VANGL1: variants seen among roughly 807,000 people sequenced by gnomAD.
The protein encoded by VANGL1 is VANGL planar cell polarity protein 1, also known as vang-like protein 1.
A neutral mutation model predicts 48.4 loss-of-function variants in VANGL1; 18 were observed. The observed-to-expected ratio is 0.37, with a 90% CI of 0.26 to 0.55. VANGL1 has a LOEUF of 0.55. Ranked by LOEUF, VANGL1 falls within the 20% of genes least tolerant of loss-of-function variation. VANGL1 has a pLI of 0.81. For missense variants in VANGL1, 667 were observed against 675.8 expected (o/e 0.99, Z 0.14); for synonymous variants, 257 against 261.8 (o/e 0.98, Z 0.18).
Position 115,694,468 on chromosome 1 carries a change from GCTCACCCCTGCC to G in VANGL1, c.*3093_*3104del, listed in dbSNP as rs1189105965. ...GGTGTGTGTTGGATAGGGATAAAGT[GCTCACCCCTGCC>G]CTCTCTACAGTAGTTGGTGGTAGAT... is the stretch of plus-strand genomic sequence containing the variant. On this transcript the variant is annotated 3_prime_UTR_variant, in exon 8 of 8. Transcript: ENST00000355485. 1 of 152,138 alleles carries G rather than the reference GCTCACCCCTGCC, an allele frequency of 6.6e-6. No homozygotes were observed. Among genetic ancestry groups the G allele is most frequent in the Non-Finnish European group, 1.5e-5 (1 of 68,034 alleles). 9.4% of individuals were successfully genotyped at this position (152,138 alleles called of 1,614,324 possible). A position where few individuals can be genotyped will look rare whatever the true frequency, so the allele number is the denominator to read the frequency against.
At chr1:115,691,021 A>G in intron 7 of VANGL1, 98 bp from the exon 8 acceptor site, 5 of 1,568,488 alleles carry the variant, frequency 3.2e-6, no homozygotes, top group Non-Finnish European at 4.3e-6. Flanking sequence ...TTTATTTGGA[A>G]AAAGTTCTTT....
chr1:115,683,254 A>G (rs1403587638), intron 5 of VANGL1, among the ~76,000 whole-genome samples: 1 of 152,230 alleles, frequency 6.6e-6, no homozygotes, highest in East Asian at 1.9e-4. Flanking sequence ...AAAGATTCCC[A>G]CTAGTGAAAC....
intron 4 of VANGL1, among the ~76,000 whole-genome samples, chr1:115,676,740 G>T (rs1280836809): frequency 6.6e-6 from 1 of 152,210 alleles, no homozygotes; most frequent in Admixed American, 6.5e-5. Flanking sequence ...CTGCCTTAGG[G>T]CGATGCCGAC....
rs774928872 is a variant in VANGL1 at position 115,684,070 on chromosome 1, A to C, written c.1073A>C (p.Lys358Thr). The change falls in exon 6 of 8, where the codon AAA becomes ACA. Residue 358 changes from lysine to threonine, a missense_variant. Lys to Thr is a moderately conservative substitution (Grantham distance 78). Coordinates refer to ENST00000355485, the MANE Select transcript of VANGL1 (RefSeq NM_138959.3). ...CATGAACGGCGAGTAAAGAAGCGGA[A>C]AGCAAGGTATACTGCCCTCCTGATG... The part of the protein sequence containing the change: ...AEHERRVKKR[K>T]ARLVVAVEEA... The C allele has an allele frequency of 6.2e-7, 1 of 1,613,618 alleles. No individual in the cohort carries two copies. Among genetic ancestry groups the C allele is most frequent in the East Asian group, 2.2e-5 (1 of 44,856 alleles).
chr1:115,685,676 A>T lies in VANGL1; in HGVS notation c.1314+149A>T. ...AGAATTAGTGATTCTCACTTATTTT[A>T]TGTTATGTTAGTACAATTGTTTTTT... On this transcript the variant is annotated intron_variant, in intron 7 of 7. Transcript: ENST00000355485. 9 of 901,408 alleles carry T rather than the reference A, an allele frequency of 1.0e-5. No individual in the cohort carries two copies. In the South Asian group the frequency reaches 1.3e-4, roughly 13 times the overall value. The allele number at this position is 901,408 out of a possible 1,614,324, so 55.8% of individuals were successfully genotyped here.
intron 4 of VANGL1, among the ~76,000 whole-genome samples, chr1:115,665,754 C>T (rs1042340906): frequency 7.2e-5 from 11 of 152,228 alleles, no homozygotes; most frequent in African/African-American, 2.7e-4. Flanking sequence ...ACAAGTAGGT[C>T]ACCGCTTTGC....
In VANGL1 at chr1:115,692,161, G is replaced by T. The variant is rs1653865025; in HGVS notation, c.*782G>T. 6.5e-6 allele frequency: 1 copy of T among 152,716 alleles called. No homozygotes were observed. Among genetic ancestry groups the T allele is most frequent in the Non-Finnish European group, 1.5e-5 (1 of 68,306 alleles). The allele number at this position is 152,716 out of a possible 1,614,324, so 9.5% of individuals were successfully genotyped here. The stretch of plus-strand genomic sequence containing the variant: ...CGGCTCTGTGTGAAGCCTCAAGTCA[G>T]TCCCAGCATTGTTTCCATAGGGAAG... On this transcript the variant is annotated 3_prime_UTR_variant, in exon 8 of 8. Coordinates refer to ENST00000355485, the MANE Select transcript of VANGL1 (RefSeq NM_138959.3).
rs527547472 is a variant in VANGL1, at chr1:115,696,504, G to A, written c.*5125G>A. On this transcript the variant is annotated 3_prime_UTR_variant, in exon 8 of 8. Coordinates refer to ENST00000355485, the MANE Select transcript of VANGL1 (RefSeq NM_138959.3). ...TGCATAAACCATAGTTTTCTGCCCT[G>A]CTGTTTGCTTTCAATGGAAGACAGT... 2.6e-5 allele frequency: 4 copies of A among 152,268 alleles called. No individual in the cohort carries two copies. Among genetic ancestry groups the A allele is most frequent in the African/African-American group, 4.8e-5 (2 of 41,554 alleles). The allele number at this position is 152,268 out of a possible 1,614,324, so 9.4% of individuals were successfully genotyped here.
chr1:115,682,255 T>G, intron 4 of VANGL1, 109 bp from the exon 5 acceptor site: 1 of 1,447,558 alleles, frequency 6.9e-7, no homozygotes, highest in Non-Finnish European at 9.4e-7. Flanking sequence ...CTGTATGAGA[T>G]TATCTTTGAT....
chr1:115,686,341 C>T (rs1320986116), intron 7 of VANGL1, among the ~76,000 whole-genome samples: 3 of 138,290 alleles, frequency 2.2e-5, no homozygotes, highest in African/African-American at 8.2e-5. Flanking sequence ...CACTGCACTC[C>T]AGCCTGGGCG....
Position 115,693,742 on chromosome 1 carries a change from A to G in VANGL1, c.*2363A>G, listed in dbSNP as rs1327365663. ...AGCTTGAGTTACTTTTGCAGTGGGAACAATGTAAATGACATTTAAAAGATT... is the reference window on the plus strand; with the variant it reads ...AGCTTGAGTTACTTTTGCAGTGGGAGCAATGTAAATGACATTTAAAAGATT... On this transcript the variant is annotated 3_prime_UTR_variant, in exon 8 of 8. Transcript: ENST00000355485. 2 of 152,216 alleles carry G rather than the reference A, an allele frequency of 1.3e-5. No homozygotes were observed. Among genetic ancestry groups the G allele is most frequent in the Non-Finnish European group, 1.5e-5 (1 of 68,040 alleles). 9.4% of individuals were successfully genotyped at this position (152,216 alleles called of 1,614,324 possible).
At position 115,693,870 on chromosome 1, in the gene VANGL1, C is replaced by T. The variant is rs1653938684; in HGVS notation, c.*2491C>T. On this transcript the variant is annotated 3_prime_UTR_variant, in exon 8 of 8. Coordinates refer to ENST00000355485, the MANE Select transcript of VANGL1 (RefSeq NM_138959.3). The stretch of plus-strand genomic sequence containing the variant: ...TTTTTAAAAGGGGGTAAACTTCGCC[C>T]TAAGGCTGGTAGAATGTATGTTCAC... The T allele has an allele frequency of 6.6e-6, 1 of 152,150 alleles. No homozygotes were observed. The highest frequency in any genetic ancestry group is 1.5e-5 in the Non-Finnish European group (1 of 68,024). The allele number at this position is 152,150 out of a possible 1,614,324, so 9.4% of individuals were successfully genotyped here. A position where few individuals can be genotyped will look rare whatever the true frequency, so the allele number is the denominator to read the frequency against.
At position 115,691,644 on chromosome 1, in the gene VANGL1, T is replaced by G; in HGVS notation, c.*265T>G. On this transcript the variant is annotated 3_prime_UTR_variant, in exon 8 of 8. Coordinates refer to ENST00000355485, the MANE Select transcript of VANGL1 (RefSeq NM_138959.3). ...TTCCTTGGAGCTTCTGTTACAGCTG[T>G]AAACCAAAGTGGAGCTGGTGCTTCT... The G allele has an allele frequency of 2.6e-6, 1 of 386,574 alleles. No homozygotes were observed. Among genetic ancestry groups the G allele is most frequent in the Non-Finnish European group, 4.6e-6 (1 of 218,208 alleles). 23.9% of individuals were successfully genotyped at this position (386,574 alleles called of 1,614,324 possible).
At chr1:115,687,705 C>CTGTGTGTGTGTGTGTGTG (rs56094677) in intron 7 of VANGL1, among the ~76,000 whole-genome samples, 1 of 112,868 alleles carries the variant, frequency 8.9e-6, no homozygotes, top group African/African-American at 3.5e-5. Flanking sequence ...CTCTCTTTCT[C>CTGTGTGTGTGTGTGTGTG]TGTGTGTGTG....
intron 1 of VANGL1, among the ~76,000 whole-genome samples, chr1:115,646,080 A>C (rs1480045323): frequency 6.6e-6 from 1 of 152,166 alleles, no homozygotes; most frequent in Non-Finnish European, 1.5e-5. Flanking sequence ...TTTTCATATT[A>C]AGTAGTAGGA....
chr1:115,688,855 T>C (rs1653733475), intron 7 of VANGL1, among the ~76,000 whole-genome samples: 1 of 133,846 alleles, frequency 7.5e-6, no homozygotes, highest in African/African-American at 2.8e-5. Context: ...AGTGGCACGA[T>C]CTCGGCTCAC....
chr1:115,682,311 A>T, intron 4 of VANGL1, 53 bp from the exon 5 acceptor site: 2 of 1,609,200 alleles, frequency 1.2e-6, no homozygotes, highest in Non-Finnish European at 8.5e-7. Context: ...TTCGTTTAGG[A>T]CCTGCTTCTT....
chr1:115,655,882 T>C (rs1034014427), intron 2 of VANGL1, among the ~76,000 whole-genome samples: 1 of 152,228 alleles, frequency 6.6e-6, no homozygotes, highest in Non-Finnish European at 1.5e-5. Flanking sequence ...CCCGCAGTTC[T>C]GCAGACTGGA....
chr1:115,664,241 C>A lies in VANGL1; in HGVS notation c.785C>A (p.Ser262Tyr), dbSNP rs1453832973. The change falls in exon 4 of 8, where the codon TCC becomes TAC. Residue 262 changes from serine to tyrosine, a missense_variant. Transcript: ENST00000355485. ...LQVVRSTDGE[S>Y]RFYSLGHLSI... The stretch of plus-strand genomic sequence containing the variant: ...GTGGTCCGCTCCACCGATGGCGAGT[C>A]CCGCTTCTACAGCCTGGGACACCTG... 1.2e-6 allele frequency: 2 copies of A among 1,614,042 alleles called. No individual in the cohort carries two copies. The highest frequency in any genetic ancestry group is 1.1e-5 in the South Asian group (1 of 91,062).
Sources: allele counts gnomAD v4.1 joint callset (sites outside exome capture counted in the v4.1 genomes callset), GRCh38; gene constraint gnomAD v4.1.1; transcripts MANE v1.5; gene names NCBI Gene and HGNC (gene_info 2026-07-23, HGNC 2026-07-21).